Variants in TEX11 observed in about 807,000 individuals in gnomAD.
The protein encoded by TEX11 is testis-expressed protein 11.
A neutral mutation model predicts 84.4 loss-of-function variants in TEX11; 7 were observed. The observed-to-expected ratio is 0.08, with a 90% confidence interval of 0.05 to 0.16. TEX11 has a LOEUF of 0.16. Among genes scored for constraint, TEX11 ranks in the 10% least tolerant of loss-of-function variants. TEX11 has a pLI of 1.00. For synonymous variants in TEX11, 264 were observed against 222.8 expected (o/e 1.18, Z -1.64); for missense variants, 551 against 660.5 (o/e 0.83, Z 1.82).
At chrX:70,804,365 C>CACAGTCAGTCT (rs1282176789) in intron 9 of TEX11, among the ~76,000 whole-genome samples, 11 of 112,240 alleles carry the variant, frequency 9.8e-5, no homozygotes, top group African/African-American at 3.6e-4. Context: ...AAAAACTATT[C>CACAGTCAGTCT]ACTGTGCTAC....
chrX:70,886,546 A>G (rs1015239586), intron 2 of TEX11, among the ~76,000 whole-genome samples: 1 of 111,655 alleles, frequency 9.0e-6, no homozygotes, highest in Non-Finnish European at 1.9e-5. Context: ...TCAATAATGT[A>G]TACTTAAAGT....
chrX:70,810,534 G>A (rs1340300052), intron 8 of TEX11, among the ~76,000 whole-genome samples: 2 of 111,179 alleles, frequency 1.8e-5, no homozygotes, highest in East Asian at 5.6e-4. Flanking sequence ...TCAGCAACCT[G>A]ACACAGGAAC....
At chrX:70,800,193 C>T (rs186384666) in intron 9 of TEX11, among the ~76,000 whole-genome samples, 34 of 110,799 alleles carry the variant, frequency 3.1e-4, no homozygotes, top group African/African-American at 1.0e-3. Context: ...CTAAATGATG[C>T]GAACTCATGA....
intron 24 of TEX11, 104 bp from the exon 25 acceptor site, chrX:70,591,927 AT>A: frequency 1.9e-6 from 1 of 524,903 alleles, no homozygotes; most frequent in Non-Finnish European, 3.0e-6. Flanking sequence ...GTAAAAATAA[AT>A]TAATAGAAAA....
At chrX:70,725,049 T>A (rs1039983220) in intron 12 of TEX11, among the ~76,000 whole-genome samples, 1 of 107,457 alleles carries the variant, frequency 9.3e-6, no homozygotes, top group Non-Finnish European at 1.9e-5. Flanking sequence ...TCAGCTTTTT[T>A]TAAAAAAAAA....
chrX:70,785,709 CAT>C (rs2147789971), intron 9 of TEX11, among the ~76,000 whole-genome samples: 1 of 112,212 alleles, frequency 8.9e-6, no homozygotes, highest in East Asian at 2.8e-4. Context: ...CCAACAGACA[CAT>C]GAAAAAATGC....
chrX:70,740,784 G>T lies in TEX11; in HGVS notation c.760C>A (p.Arg254=). The T allele has an allele frequency of 8.5e-7, 1 of 1,171,474 alleles. No homozygotes were observed. Among genetic ancestry groups the T allele is most frequent in the Non-Finnish European group, 1.1e-6 (1 of 870,776 alleles). ...TCCAAATAATTCGTGGCTAATAGCC[G>T]TAGAACTTTAGCCTGTAAGAAAAAA... ...TGPEMLAKVL[R]LLATNYLDWD... The change falls in exon 11 of 30, where the codon CGG becomes AGG. Residue 254 remains arginine (R), a synonymous_variant. Coordinates refer to ENST00000374333, the MANE Select transcript of TEX11 (RefSeq NM_031276.3).
At chrX:70,514,632 T>G in the TEX11 span, among the ~76,000 whole-genome samples, 17 of 107,595 alleles carry the variant, frequency 1.6e-4, no homozygotes, top group Non-Finnish European at 2.7e-4. Flanking sequence ...AGGGGAGTTA[T>G]ATAGTGTAAC....
At chrX:70,592,642 C>T (rs181710794) in intron 24 of TEX11, among the ~76,000 whole-genome samples, 2 of 111,331 alleles carry the variant, frequency 1.8e-5, no homozygotes, top group Admixed American at 1.9e-4. Context: ...CTGGGAGCAG[C>T]AAGCCAAGAC....
At position 70,656,113 on chromosome X, in the gene TEX11, G is replaced by GTATATATATATATA. The variant is rs774232604; in HGVS notation, c.1381-4575_1381-4562dup. ...AAGAGACTTTAGCAAAGGTAGCTGT[G>GTATATATATATATA]TATATATATATATATATATGCCATA... On this transcript the variant is annotated intron_variant, in intron 16 of 29. Transcript: ENST00000374333. Among the ~76,000 whole-genome samples, 168 of 101,379 alleles carry GTATATATATATATA rather than the reference G, an allele frequency of 1.7e-3. 2 individuals carry two copies. The highest frequency in any genetic ancestry group is 5.6e-3 in the African/African-American group (159 of 28,255). 88.0% of individuals were successfully genotyped at this position (101,379 alleles called of 115,157 possible).
At chrX:70,797,800 C>T (rs993581975) in intron 9 of TEX11, among the ~76,000 whole-genome samples, 3 of 102,551 alleles carry the variant, frequency 2.9e-5, no homozygotes, top group Non-Finnish European at 5.9e-5. Flanking sequence ...TTACAAAATT[C>T]ATCCTTTCAA....
the TEX11 span, among the ~76,000 whole-genome samples, chrX:70,523,711 G>T: frequency 9.3e-6 from 1 of 108,034 alleles, no homozygotes. Context: ...TGATCTGCCC[G>T]CCTCGGCCTC....
chrX:70,577,134 C>A (rs1419437118), intron 25 of TEX11, among the ~76,000 whole-genome samples: 1 of 111,519 alleles, frequency 9.0e-6, no homozygotes, highest in Non-Finnish European at 1.9e-5. Context: ...CTCCTCTCCA[C>A]ATGTATCATC....
At chrX:70,751,298 C>T (rs948913539) in intron 9 of TEX11, among the ~76,000 whole-genome samples, 1 of 107,378 alleles carries the variant, frequency 9.3e-6, no homozygotes, top group Admixed American at 1.0e-4. Flanking sequence ...GAATACTATG[C>T]AACCATAAAA....
At chrX:70,670,338 G>A in intron 16 of TEX11, 39 bp downstream of exon 16, 1 of 1,191,144 alleles carries the variant, frequency 8.4e-7, no homozygotes, top group Non-Finnish European at 1.1e-6. Context: ...CTGCACATAA[G>A]AACATTTGCT....
chrX:70,641,332 C>A (rs934610853), intron 17 of TEX11, among the ~76,000 whole-genome samples: 1 of 111,117 alleles, frequency 9.0e-6, no homozygotes, highest in Non-Finnish European at 1.9e-5. Flanking sequence ...GGCTTTAACA[C>A]CCCACTGTCA....
intron 13 of TEX11, among the ~76,000 whole-genome samples, chrX:70,706,016 T>C (rs1324243753): frequency 9.0e-6 from 1 of 111,267 alleles, no homozygotes; most frequent in Non-Finnish European, 1.9e-5. Context: ...CACATATGTT[T>C]ATTGCGGCAC....
intron 13 of TEX11, among the ~76,000 whole-genome samples, chrX:70,694,091 C>A (rs1313878226): frequency 9.0e-6 from 1 of 111,053 alleles, no homozygotes; most frequent in African/African-American, 3.3e-5. Context: ...TGTTGCCAGG[C>A]TGGAGTGCAG....
intron 7 of TEX11, among the ~76,000 whole-genome samples, chrX:70,845,022 A>C (rs767863944): frequency 8.9e-6 from 1 of 112,117 alleles, no homozygotes; most frequent in Admixed American, 9.5e-5. Context: ...CTAAAAGCTC[A>C]AACTTTTTCA....
Sources: gnomAD v4.1 joint callset for allele counts (sites outside exome capture counted in the v4.1 genomes callset) on GRCh38, gnomAD v4.1.1 for gene constraint, MANE v1.5 for transcripts, NCBI Gene and HGNC (gene_info 2026-07-23, HGNC 2026-07-21) for gene names.